FAM169A: variants seen among roughly 807,000 people sequenced by gnomAD.
FAM169A encodes soluble lamin-associated protein of 75 kDa.
FAM169A carries 24 observed loss-of-function variants against 75.7 expected under a neutral mutation model. The observed-to-expected ratio is 0.32, with a 90% CI of 0.23 to 0.45. The LOEUF (loss-of-function observed/expected upper bound fraction) is 0.45, where lower values mean the gene tolerates loss of function less well. Ranked by LOEUF, FAM169A falls within the 20% of genes least tolerant of loss-of-function variation. FAM169A has a pLI of 1.00. For synonymous variants in FAM169A, 271 were observed against 271.0 expected, an observed-to-expected ratio of 1.00 and a Z score of 0.00; for missense variants, 673 against 784.0, an observed-to-expected ratio of 0.86 and a Z score of 1.69.
At chr5:74,846,548 T>C (rs1749165847) in intron 1 of FAM169A, among the ~76,000 whole-genome samples, 1 of 152,238 alleles carries the variant, frequency 6.6e-6, no homozygotes, top group Non-Finnish European at 1.5e-5. Flanking sequence ...AATACGCACG[T>C]TATTTTAGAT....
chr5:74,784,415 C>T (rs1745564997), intron 11 of FAM169A, among the ~76,000 whole-genome samples: 1 of 142,636 alleles, frequency 7.0e-6, no homozygotes, highest in East Asian at 2.1e-4. Flanking sequence ...GAGGCTGAGG[C>T]AGAATAGCTT....
chr5:74,832,428 T>C (rs1748362037), intron 5 of FAM169A, among the ~76,000 whole-genome samples: 1 of 151,912 alleles, frequency 6.6e-6, no homozygotes, highest in Non-Finnish European at 1.5e-5. Context: ...CTATCAAGGC[T>C]ATTCTATGTC....
Position 74,862,453 on chromosome 5 carries a change from C to T in FAM169A, c.-4+3712G>A, listed in dbSNP as rs1337344325. On this transcript the variant is annotated intron_variant, in intron 1 of 12. Transcript: ENST00000687041. ...CAAAAGCTTCTGACAAGTTCTCACT[C>T]ATCCATTGTTCAAGACCAAGTTCAA... Among the ~76,000 whole-genome samples the T allele has an allele frequency of 2.0e-5, 3 of 152,322 alleles. No individual in the cohort carries two copies. In the East Asian group the frequency reaches 5.8e-4, roughly 29 times the overall value.
intron 5 of FAM169A, among the ~76,000 whole-genome samples, chr5:74,827,092 A>G (rs927246106): frequency 6.6e-6 from 1 of 152,210 alleles, no homozygotes; most frequent in African/African-American, 2.4e-5. Flanking sequence ...AGTACATCAT[A>G]TATCATGGGA....
intron 5 of FAM169A, among the ~76,000 whole-genome samples, chr5:74,830,412 C>T (rs1440152446): frequency 6.6e-6 from 1 of 152,124 alleles, no homozygotes; most frequent in Non-Finnish European, 1.5e-5. Flanking sequence ...AGTAGAGGGA[C>T]TGTTAACTAT....
intron 1 of FAM169A, among the ~76,000 whole-genome samples, chr5:74,846,542 C>T (rs939776517): frequency 7.9e-5 from 12 of 152,184 alleles, no homozygotes; most frequent in South Asian, 4.1e-4. Flanking sequence ...ATTCTAAATA[C>T]GCACGTTATT....
intron 3 of FAM169A, 69 bp from the exon 4 acceptor site, chr5:74,839,119 T>C (rs1748719552): frequency 4.7e-6 from 5 of 1,069,078 alleles, no homozygotes; most frequent in East Asian, 4.7e-5. Flanking sequence ...TAAGGCCATA[T>C]TGTACTATAA....
intron 1 of FAM169A, among the ~76,000 whole-genome samples, chr5:74,850,894 C>T (rs1328667491): frequency 6.6e-6 from 1 of 152,008 alleles, no homozygotes; most frequent in African/African-American, 2.4e-5. Context: ...GAAAAAATGC[C>T]TACTTGCATT....
intron 10 of FAM169A, among the ~76,000 whole-genome samples, chr5:74,798,496 A>G (rs539911518): frequency 5.3e-5 from 8 of 152,194 alleles, no homozygotes; most frequent in Non-Finnish European, 1.2e-4. Context: ...TATCTTTAAC[A>G]TTACAAATTT....
Position 74,796,198 on chromosome 5 carries a change from A to C in FAM169A, c.1104-12T>G. The C allele has an allele frequency of 1.3e-6, 2 of 1,593,686 alleles. No individual in the cohort carries two copies. The highest frequency in any genetic ancestry group is 1.7e-6 in the Non-Finnish European group (2 of 1,174,060). On this transcript the variant is annotated splice_polypyrimidine_tract_variant and intron_variant, in intron 10 of 12. Coordinates refer to ENST00000687041, the MANE Select transcript of FAM169A (RefSeq NM_001376049.1). ...CAGTAGACTCCAATCTAAAAAACAA[A>C]AGAAAACCATTCTGACTTGTTTTAT... is the stretch of plus-strand genomic sequence containing the variant.
chr5:74,838,667 G>A (rs532046910), intron 4 of FAM169A, among the ~76,000 whole-genome samples: 1 of 152,090 alleles, frequency 6.6e-6, no homozygotes, highest in Admixed American at 6.6e-5. Flanking sequence ...CACACAAAGG[G>A]AACTAGCTTT....
chr5:74,853,485 C>A (rs367635515), intron 1 of FAM169A, among the ~76,000 whole-genome samples: 1 of 152,054 alleles, frequency 6.6e-6, no homozygotes, highest in Non-Finnish European at 1.5e-5. Context: ...CAGCTCTGAG[C>A]CTAGGCAATC....
intron 6 of FAM169A, among the ~76,000 whole-genome samples, chr5:74,810,819 CTTTTT>C (rs59139246): frequency 8.7e-6 from 1 of 115,184 alleles, no homozygotes; most frequent in South Asian, 2.7e-4. Flanking sequence ...GATATTTGCC[CTTTTT>C]TTTTTTTTTT....
intron 5 of FAM169A, among the ~76,000 whole-genome samples, chr5:74,820,329 G>A (rs980707704): frequency 2.0e-5 from 3 of 151,860 alleles, no homozygotes; most frequent in African/African-American, 7.3e-5. Flanking sequence ...GAATTGTATG[G>A]TATATGAATA....
At chr5:74,836,447 A>G (rs150230253) in intron 4 of FAM169A, among the ~76,000 whole-genome samples, 2 of 152,340 alleles carry the variant, frequency 1.3e-5, no homozygotes, top group East Asian at 3.9e-4. Context: ...GTCTTGCAGC[A>G]TACTACTGAG....
At chr5:74,790,462 T>C (rs1464294370) in intron 11 of FAM169A, among the ~76,000 whole-genome samples, 6 of 152,130 alleles carry the variant, frequency 3.9e-5, no homozygotes, top group Admixed American at 1.3e-4. Flanking sequence ...AGAAGCATGA[T>C]TGGAAAACTG....
intron 1 of FAM169A, among the ~76,000 whole-genome samples, chr5:74,845,744 C>G (rs765443087): frequency 6.6e-5 from 10 of 152,018 alleles, no homozygotes; most frequent in Non-Finnish European, 1.3e-4. Flanking sequence ...AGATTTGCAG[C>G]CAACTTTTCA....
At chr5:74,856,429 T>C (rs1749709527) in intron 1 of FAM169A, among the ~76,000 whole-genome samples, 1 of 152,250 alleles carries the variant, frequency 6.6e-6, no homozygotes. Flanking sequence ...GAAATATCTT[T>C]CCATTTTTTA....
chr5:74,837,406 G>A (rs1422960647), intron 4 of FAM169A, among the ~76,000 whole-genome samples: 2 of 152,076 alleles, frequency 1.3e-5, no homozygotes, highest in Non-Finnish European at 2.9e-5. Flanking sequence ...CAGCAGATGG[G>A]CCTACCACTT....
Sources: gnomAD v4.1 joint callset for allele counts (sites outside exome capture counted in the v4.1 genomes callset) on GRCh38, gnomAD v4.1.1 for gene constraint, MANE v1.5 for transcripts, NCBI Gene and HGNC (gene_info 2026-07-23, HGNC 2026-07-21) for gene names.